Variants in P4HA3 observed in about 807,000 individuals in gnomAD.
P4HA3 encodes the protein prolyl 4-hydroxylase subunit alpha-3.
A neutral mutation model predicts 66.7 loss-of-function variants in P4HA3; 60 were observed. That is an observed-to-expected ratio of 0.90 (90% CI 0.73 to 1.12). P4HA3 has a LOEUF of 1.12. P4HA3 is among the 50% of genes most tolerant of loss of function. The pLI is 0.00. For synonymous variants in P4HA3, 263 were observed against 274.6 expected (o/e 0.96, Z 0.42); for missense variants, 683 against 685.8 (o/e 1.00, Z 0.05).
intron 7 of P4HA3, 88 bp from the exon 8 acceptor site, chr11:74,279,540 G>GC: frequency 1.5e-6 from 2 of 1,305,972 alleles, no homozygotes; most frequent in Non-Finnish European, 2.2e-6. Context: ...TCTCTCTTAA[G>GC]CATCAACATA....
intron 4 of P4HA3, among the ~76,000 whole-genome samples, chr11:74,290,572 T>G (rs561783731): frequency 3.9e-4 from 59 of 151,814 alleles, no homozygotes; most frequent in African/African-American, 1.4e-3. Context: ...GTTTTTACGG[T>G]TTTAGGTCTA....
chr11:74,264,419 A>T (rs773082643), downstream of P4HA3, among the ~76,000 whole-genome samples: 2 of 152,138 alleles, frequency 1.3e-5, no homozygotes, highest in Non-Finnish European at 2.9e-5. Flanking sequence ...GACCCTGCTC[A>T]TCTTCAAGAT....
At chr11:74,255,760 C>T (rs974338102) in intron 15 of P4HA3, among the ~76,000 whole-genome samples, 1 of 152,194 alleles carries the variant, frequency 6.6e-6, no homozygotes, top group Non-Finnish European at 1.5e-5. Flanking sequence ...ACTGTGTCCC[C>T]ATGTCAGACC....
At chr11:74,303,358 A>C (rs1473929616) in intron 2 of P4HA3, among the ~76,000 whole-genome samples, 1 of 147,712 alleles carries the variant, frequency 6.8e-6, no homozygotes, top group African/African-American at 2.5e-5. Flanking sequence ...GCAGTGGCGC[A>C]ATCTCAGCTC....
chr11:74,268,287 C>G, intron 11 of P4HA3, 46 bp from the exon 12 acceptor site: 1 of 1,499,248 alleles, frequency 6.7e-7, no homozygotes, highest in Non-Finnish European at 9.2e-7. Flanking sequence ...CCCAGAACCT[C>G]AGTCCTCGGG....
At chr11:74,278,883 T>C (rs551418541) in intron 8 of P4HA3, among the ~76,000 whole-genome samples, 132 of 150,884 alleles carry the variant, frequency 8.7e-4, no homozygotes, top group African/African-American at 3.0e-3. Flanking sequence ...TGGATGTAAG[T>C]AAAGGGCTGC....
rs375954644 is a variant in P4HA3 at position 74,290,014 on chromosome 11, G to A, written c.718-884C>T. Among the ~76,000 whole-genome samples, 35 of 152,126 alleles carry A rather than the reference G, an allele frequency of 2.3e-4. No homozygotes were observed. The South Asian group carries it at 5.8e-3, about 25-fold the overall frequency. On this transcript the variant is annotated intron_variant, in intron 4 of 12. Coordinates refer to ENST00000331597, the MANE Select transcript of P4HA3 (RefSeq NM_182904.5). ...TCTAGTTCTAGATCCTTGAGGAATC[G>A]CCACACTGTCTTCCACAATGGTTGA...
chr11:74,251,279 C>T lies in P4HA3; in HGVS notation c.*1319-3278G>A, dbSNP rs1859652762. On this transcript the variant is annotated intron_variant and NMD_transcript_variant, in intron 15 of 15. Transcript: ENST00000524388. The stretch of plus-strand genomic sequence containing the variant: ...GTTAAGATCTTAAGCTCTACTTCTC[C>T]AATACCCCCAAAAGCCAGAGATGGA... 4 of 1,365,400 alleles carry T rather than the reference C, an allele frequency of 2.9e-6. No individual in the cohort carries two copies. In the South Asian group the frequency reaches 5.8e-5, roughly 20 times the overall value. The allele number at this position is 1,365,400 out of a possible 1,614,324, so 84.6% of individuals were successfully genotyped here.
chr11:74,287,930 C>T (rs540046184), intron 5 of P4HA3, among the ~76,000 whole-genome samples: 1 of 152,170 alleles, frequency 6.6e-6, no homozygotes, highest in African/African-American at 2.4e-5. Flanking sequence ...GAACAAGAAT[C>T]ACTTGAACCT....
At chr11:74,310,800 C>T (rs1484941600) in intron 1 of P4HA3, among the ~76,000 whole-genome samples, 1 of 152,240 alleles carries the variant, frequency 6.6e-6, no homozygotes, top group Non-Finnish European at 1.5e-5. Context: ...GTCCCAATGA[C>T]ATGTAAACCT....
At chr11:74,255,391 C>A (rs563575836) in intron 15 of P4HA3, among the ~76,000 whole-genome samples, 11 of 146,920 alleles carry the variant, frequency 7.5e-5, no homozygotes, top group African/African-American at 3.0e-4. Flanking sequence ...CTTTGCTGCC[C>A]TCCTCCCCCC....
chr11:74,285,927 T>C lies in P4HA3; in HGVS notation c.992A>G (p.Tyr331Cys), dbSNP rs766557482. ...YCSYETNSNAYLLLQPIRKEV... is the reference protein window; with the variant it reads ...YCSYETNSNACLLLQPIRKEV... ...CTTCCGGATGGGCTGGAGCAGCAGG[T>C]AGGCGTTGGAATTGGTCTCATAGGA... The change falls in exon 7 of 13, where the codon TAC becomes TGC. Residue 331 changes from tyrosine (Y) to cysteine (C), a missense_variant. Coordinates refer to ENST00000331597, the MANE Select transcript of P4HA3 (RefSeq NM_182904.5). 3 of 1,611,556 alleles carry C rather than the reference T, an allele frequency of 1.9e-6. No individual in the cohort carries two copies. In the Admixed American group the frequency reaches 5.0e-5, roughly 27 times the overall value.
At position 74,302,481 on chromosome 11, in the gene P4HA3, T is replaced by C; in HGVS notation, c.455A>G (p.Lys152Arg). The C allele has an allele frequency of 6.2e-7, 1 of 1,614,166 alleles. No individual in the cohort carries two copies. The highest frequency in any genetic ancestry group is 8.5e-7 in the Non-Finnish European group (1 of 1,180,020). ...RLQDVYMLNV[K>R]GLARGVFQRV... ...CTGAAAGACACCTCGGGCCAGGCCTTTCACATTGAGCATGTACACGTCCTG... is the reference window on the plus strand; with the variant it reads ...CTGAAAGACACCTCGGGCCAGGCCTCTCACATTGAGCATGTACACGTCCTG... The change falls in exon 3 of 13, where the codon AAA (lysine) becomes AGA (arginine). Residue 152 changes from lysine (K) to arginine (R), a missense_variant. By Grantham distance (26) the Lys-to-Arg change is conservative. Coordinates refer to ENST00000331597, the MANE Select transcript of P4HA3 (RefSeq NM_182904.5).
chr11:74,294,092 C>T (rs532093113), intron 4 of P4HA3, among the ~76,000 whole-genome samples: 64 of 152,330 alleles, frequency 4.2e-4, no homozygotes, highest in Middle Eastern at 6.8e-3. Flanking sequence ...ACCAATCAGA[C>T]GTAGATTTGG....
chr11:74,288,968 A>T, intron 5 of P4HA3, 111 bp downstream of exon 5: 15 of 642,748 alleles, frequency 2.3e-5, no homozygotes, highest in Non-Finnish European at 3.5e-5. Flanking sequence ...AAAAAAAAAG[A>T]TAATAAAGAT....
At chr11:74,292,721 A>G (rs1402310210) in intron 4 of P4HA3, among the ~76,000 whole-genome samples, 2 of 152,062 alleles carry the variant, frequency 1.3e-5, no homozygotes, top group Non-Finnish European at 2.9e-5. Context: ...GTCATTCAGG[A>G]GCAGGTTGTT....
chr11:74,295,798 T>C (rs541788319), intron 4 of P4HA3, among the ~76,000 whole-genome samples: 1 of 152,332 alleles, frequency 6.6e-6, no homozygotes, highest in East Asian at 1.9e-4. Flanking sequence ...TTCTAATTAT[T>C]TGATATCATG....
chr11:74,301,293 A>G lies in P4HA3; in HGVS notation c.567+1076T>C, dbSNP rs79342627. On this transcript the variant is annotated intron_variant, in intron 3 of 12. Coordinates refer to ENST00000331597, the MANE Select transcript of P4HA3 (RefSeq NM_182904.5). Reference sequence around the variant, plus strand: ...AAAATAAGTGAATAAATATAGAAAGAAAGATTGCCAGTAAGACTTCCAGGA... The same window carrying G: ...AAAATAAGTGAATAAATATAGAAAGGAAGATTGCCAGTAAGACTTCCAGGA... Among the ~76,000 whole-genome samples, 1,085 of 152,324 alleles carry G rather than the reference A, an allele frequency of 7.1e-3. 32 individuals are homozygous for G. Among genetic ancestry groups the G allele is most frequent in the East Asian group, 0.049 (256 of 5,186 alleles).
chr11:74,281,545 TA>T (rs1351959422), intron 7 of P4HA3, among the ~76,000 whole-genome samples: 1 of 151,966 alleles, frequency 6.6e-6, no homozygotes, highest in African/African-American at 2.4e-5. Flanking sequence ...TATGCAGCCA[TA>T]AAAAATGATG....
Sources: allele counts gnomAD v4.1 joint callset (sites outside exome capture counted in the v4.1 genomes callset), GRCh38; gene constraint gnomAD v4.1.1; transcripts MANE v1.5; gene names NCBI Gene and HGNC (gene_info 2026-07-23, HGNC 2026-07-21).